Variants in ACSL6 observed in about 807,000 individuals in gnomAD.
ACSL6 encodes the protein long-chain-fatty-acid--CoA ligase 6.
Under a neutral mutation model 98.2 loss-of-function variants are expected in ACSL6, and 47 were observed. That is an observed-to-expected ratio of 0.48 (90% CI 0.38 to 0.61). ACSL6 has a LOEUF of 0.61. ACSL6 is among the 20% of genes least tolerant of loss of function. The pLI is 0.00. For synonymous variants in ACSL6, 362 were observed against 336.9 expected, an observed-to-expected ratio of 1.07 and a Z score of -0.82; for missense variants, 761 against 913.4, an observed-to-expected ratio of 0.83 and a Z score of 2.15.
intron 1 of ACSL6, among the ~76,000 whole-genome samples, chr5:131,995,745 C>G (rs892296355): frequency 2.0e-5 from 3 of 152,150 alleles, no homozygotes; most frequent in African/African-American, 7.2e-5. Flanking sequence ...CACAAAAAGC[C>G]CTTCAGTTGT....
chr5:131,979,985 T>C (rs762335647), intron 9 of ACSL6, among the ~76,000 whole-genome samples: 13 of 152,342 alleles, frequency 8.5e-5, no homozygotes, highest in East Asian at 1.9e-4. Flanking sequence ...CCCATGGCTA[T>C]TATGTAGAAA....
At chr5:131,986,971 ACCCACACACT>A in intron 7 of ACSL6, 117 bp from the exon 8 acceptor site, 1 of 827,476 alleles carries the variant, frequency 1.2e-6, no homozygotes, top group Non-Finnish European at 2.0e-6. Flanking sequence ...ACACACACAT[ACCCACACACT>A]CACACACACA....
upstream of ACSL6, chr5:132,011,764 C>A (rs777577513): frequency 1.5e-6 from 2 of 1,329,630 alleles, no homozygotes; most frequent in Non-Finnish European, 1.9e-6. This position sits in a 1 kb window ranked among gnomAD's most constrained non-coding sequence, Gnocchi z 5.4. Flanking sequence ...CGCAACCGAG[C>A]CTTACTCCCT....
chr5:132,007,375 G>C (rs1264526699), intron 1 of ACSL6, among the ~76,000 whole-genome samples: 1 of 152,196 alleles, frequency 6.6e-6, no homozygotes, highest in Non-Finnish European at 1.5e-5. Flanking sequence ...CCTTGGCCTG[G>C]AATGCCTTTT....
At chr5:132,004,219 CTT>C (rs1038116980) in intron 1 of ACSL6, among the ~76,000 whole-genome samples, 29 of 138,836 alleles carry the variant, frequency 2.1e-4, no homozygotes, top group Admixed American at 2.9e-4. Context: ...GGCTTCTATC[CTT>C]TTTTTTTTTT....
chr5:131,976,513 T>A, intron 10 of ACSL6, 135 bp downstream of exon 10: 1 of 787,242 alleles, frequency 1.3e-6, no homozygotes. Flanking sequence ...CAGAAACTCC[T>A]GCCTGTGAAT....
intron 1 of ACSL6, among the ~76,000 whole-genome samples, chr5:132,005,803 T>A (rs1418384348): frequency 1.3e-5 from 2 of 152,186 alleles, no homozygotes; most frequent in African/African-American, 4.8e-5. Flanking sequence ...CATCCTGCAC[T>A]GGTGGGCCAG....
chr5:131,997,149 C>T (rs1216615549), intron 1 of ACSL6, among the ~76,000 whole-genome samples: 1 of 152,192 alleles, frequency 6.6e-6, no homozygotes, highest in Non-Finnish European at 1.5e-5. Flanking sequence ...TTACCATGGT[C>T]CTCAGTGGGA....
chr5:131,964,198 G>C (rs1561778311), intron 17 of ACSL6, among the ~76,000 whole-genome samples: 1 of 151,950 alleles, frequency 6.6e-6, no homozygotes, highest in Non-Finnish European at 1.5e-5. Flanking sequence ...ACCATAATAG[G>C]GTTGTATATA....
chr5:132,010,845 C>T (rs1183461425), intron 1 of ACSL6, among the ~76,000 whole-genome samples: 1 of 152,070 alleles, frequency 6.6e-6, no homozygotes, highest in South Asian at 2.1e-4. Context: ...GGGAGGTAAG[C>T]GCGGAGGCGG....
In ACSL6 at chr5:131,976,596, G is replaced by T. The variant is rs1443948457; in HGVS notation, c.990+52C>A. ...AACAAATAAAAAAAAATCCTCTGAG[G>T]CTTGAGGTTGTCCTCAAGAGACACC... is the stretch of plus-strand genomic sequence containing the variant. On this transcript the variant is annotated intron_variant, in intron 10 of 20. Coordinates refer to ENST00000651883, the MANE Select transcript of ACSL6 (RefSeq NM_001009185.3). 2.8e-6 allele frequency: 4 copies of T among 1,446,450 alleles called. No homozygotes were observed. The African/African-American group carries it at 5.7e-5, about 20-fold the overall frequency. 89.6% of individuals were successfully genotyped at this position (1,446,450 alleles called of 1,614,324 possible). A position where few individuals can be genotyped will look rare whatever the true frequency, so the allele number is the denominator to read the frequency against.
chr5:131,996,455 T>A (rs1754797654), intron 1 of ACSL6, among the ~76,000 whole-genome samples: 1 of 152,136 alleles, frequency 6.6e-6, no homozygotes, highest in Non-Finnish European at 1.5e-5. Context: ...GCTCACCAAC[T>A]CGTAGGGTGG....
At chr5:131,964,343 A>G (rs1752895883) in intron 17 of ACSL6, among the ~76,000 whole-genome samples, 1 of 152,256 alleles carries the variant, frequency 6.6e-6, no homozygotes, top group Admixed American at 6.5e-5. Context: ...TTTGCTTTAC[A>G]TGAGAAATAT....
intron 15 of ACSL6, 63 bp from the exon 16 acceptor site, chr5:131,968,091 T>C (rs1359359036): frequency 6.9e-7 from 1 of 1,450,156 alleles, no homozygotes; most frequent in African/African-American, 1.4e-5. Flanking sequence ...CTGAAGATGT[T>C]CCAAGCCCCT....
chr5:132,011,648 C>A lies in ACSL6; in HGVS notation c.-95G>T, dbSNP rs1419772761. 3.2e-6 allele frequency: 4 copies of A among 1,259,926 alleles called. No homozygotes were observed. The highest frequency in any genetic ancestry group is 4.0e-6 in the Non-Finnish European group (4 of 1,000,310). The allele number at this position is 1,259,926 out of a possible 1,614,324, so 78.0% of individuals were successfully genotyped here. On this transcript the variant is annotated 5_prime_UTR_variant, in exon 1 of 21. Transcript: ENST00000651883. This position sits in a 1 kb window ranked among gnomAD's most constrained non-coding sequence, Gnocchi z 5.4. ...AGCAGCCCCAGCAGTAGCCGCGCCG[C>A]CGCCGCCGCTGCCGGGTATTTTTAG...
At chr5:131,984,431 A>G (rs1272300423) in intron 9 of ACSL6, 1 of 152,268 alleles carries the variant, frequency 6.6e-6, no homozygotes, top group Non-Finnish European at 1.5e-5. Context: ...CTTCCTGCCC[A>G]TTCAGGGCAA....
intron 9 of ACSL6, 67 bp from the exon 10 acceptor site, chr5:131,976,788 C>G: frequency 7.2e-7 from 1 of 1,383,456 alleles, no homozygotes; most frequent in Non-Finnish European, 1.0e-6. Flanking sequence ...GAGCAGTGCC[C>G]AAGTTGGCAG....
chr5:132,004,328 G>A (rs992274905), intron 1 of ACSL6, among the ~76,000 whole-genome samples: 1 of 152,020 alleles, frequency 6.6e-6, no homozygotes, highest in Admixed American at 6.5e-5. Flanking sequence ...GTGCCCTGTG[G>A]AGCATGGATG....
intron 1 of ACSL6, among the ~76,000 whole-genome samples, chr5:132,005,953 T>G (rs1755385719): frequency 6.6e-6 from 1 of 152,174 alleles, no homozygotes; most frequent in African/African-American, 2.4e-5. Context: ...CCCTAACAGG[T>G]GCCAGCCCAC....
Sources: allele counts gnomAD v4.1 joint callset (sites outside exome capture counted in the v4.1 genomes callset), GRCh38; gene constraint gnomAD v4.1.1; non-coding constraint Gnocchi (gnomAD v3.1); transcripts MANE v1.5; gene names NCBI Gene and HGNC (gene_info 2026-07-23, HGNC 2026-07-21).